The following NACC2 variants were observed in gnomAD, a reference collection of about 807,000 sequenced individuals.
NACC2 encodes nucleus accumbens-associated protein 2.
In NACC2, 8 loss-of-function variants were observed where a neutral mutation model predicts 25.1. The observed-to-expected ratio is 0.32, with a 90% confidence interval of 0.19 to 0.57. NACC2 has a LOEUF of 0.57. Ranked by LOEUF, NACC2 falls within the 20% of genes least tolerant of loss-of-function variation. The probability of loss-of-function intolerance (pLI) is 0.89; values close to 1 mark genes in which losing one functional copy is unlikely to be tolerated. For synonymous variants in NACC2, 435 were observed against 294.7 expected, an observed-to-expected ratio of 1.48 and a Z score of -4.88; for missense variants, 644 against 650.2, an observed-to-expected ratio of 0.99 and a Z score of 0.10.
intron 1 of NACC2, among the ~76,000 whole-genome samples, chr9:136,092,617 C>T (rs915590536): frequency 6.6e-6 from 1 of 152,228 alleles, no homozygotes; most frequent in Non-Finnish European, 1.5e-5. Context: ...CTCAGAACCA[C>T]AATGGGAGGC....
Position 136,016,261 on chromosome 9 carries a change from T to C in NACC2, c.1051+4A>G. ...TACAATAGATGGGTGGGAGGCAGCC[T>C]CACCTGCCACCAGCTCCAGCTTCTC... On this transcript the variant is annotated splice_donor_region_variant and intron_variant, in intron 3 of 5. Transcript: ENST00000277554. 6.2e-7 allele frequency: 1 copy of C among 1,612,416 alleles called. No individual in the cohort carries two copies. Among genetic ancestry groups the C allele is most frequent in the Non-Finnish European group, 8.5e-7 (1 of 1,179,794 alleles).
chr9:136,012,657 T>C (rs111577093), intron 5 of NACC2, among the ~76,000 whole-genome samples: 1 of 150,226 alleles, frequency 6.7e-6, no homozygotes, highest in Admixed American at 6.6e-5. Context: ...ACAAGGTTTT[T>C]TTTTTTTTTT....
rs1432026800 is a variant in NACC2 at position 136,055,879 on chromosome 9, C to T, written c.-59-5299G>A. The stretch of plus-strand genomic sequence containing the variant: ...TCTCCTAAAAGGTCAATCGAAGGCG[C>T]TCCTGGAGCGTGAGAAGGTGTGGGG... On this transcript the variant is annotated intron_variant, in intron 1 of 5. Transcript: ENST00000277554. The surrounding 1 kb of genome is among the most constrained non-coding windows in gnomAD (Gnocchi z 4.9). 2.0e-5 allele frequency among the ~76,000 whole-genome samples: 3 copies of T among 152,146 alleles called. No homozygotes were observed. Among genetic ancestry groups the T allele is most frequent in the Non-Finnish European group, 4.4e-5 (3 of 68,030 alleles).
intron 1 of NACC2, among the ~76,000 whole-genome samples, chr9:136,067,731 A>G (rs1193513320): frequency 1.3e-5 from 2 of 152,198 alleles, no homozygotes; most frequent in Admixed American, 1.3e-4. Flanking sequence ...GCTACGTGGA[A>G]GGCTGAGGCA....
Position 136,030,339 on chromosome 9 carries a change from G to A in NACC2, c.887-13910C>T, listed in dbSNP as rs971060468. Among the ~76,000 whole-genome samples the A allele has an allele frequency of 5.3e-5, 8 of 152,216 alleles. No homozygotes were observed. The South Asian group carries it at 1.0e-3, about 20-fold the overall frequency. ...AAGAGGGTACTGGAGGCCGGGCGCGGTGGCTCACGCCTGTAATCCCAGCAC... is the reference window on the plus strand; with the variant it reads ...AAGAGGGTACTGGAGGCCGGGCGCGATGGCTCACGCCTGTAATCCCAGCAC... On this transcript the variant is annotated intron_variant, in intron 2 of 5. Transcript: ENST00000277554.
intron 1 of NACC2, among the ~76,000 whole-genome samples, chr9:136,051,114 G>T (rs1358044094): frequency 3.9e-5 from 6 of 152,194 alleles, no homozygotes; most frequent in Non-Finnish European, 7.4e-5. Context: ...CCTCGCAGAG[G>T]GCCCCTGCGG....
At chr9:136,045,415 A>ACGGGCCCTGTGGCC (rs1840708173) in intron 2 of NACC2, among the ~76,000 whole-genome samples, 1 of 70,706 alleles carries the variant, frequency 1.4e-5, no homozygotes, top group African/African-American at 4.8e-5. Flanking sequence ...GTTACCGTGG[A>ACGGGCCCTGTGGCC]AGTGTGCAGC....
At chr9:136,093,909 G>A (rs931613811) in intron 1 of NACC2, among the ~76,000 whole-genome samples, 2 of 152,212 alleles carry the variant, frequency 1.3e-5, no homozygotes, top group African/African-American at 4.8e-5. Flanking sequence ...GCAGAATGCT[G>A]AGCTGAGTGT....
chr9:136,089,521 T>C (rs1218800674), intron 1 of NACC2, among the ~76,000 whole-genome samples: 2 of 151,514 alleles, frequency 1.3e-5, no homozygotes, highest in Non-Finnish European at 3.0e-5. Context: ...TGTTAGCCCC[T>C]CCCCCAGCGC....
intron 1 of NACC2, among the ~76,000 whole-genome samples, chr9:136,062,122 CAGGACAGG>C (rs1281164795): frequency 8.9e-4 from 62 of 69,536 alleles, no homozygotes; most frequent in African/African-American, 2.9e-3. Context: ...CGAGACAGGA[CAGGACAGG>C]ACAGGACAGG....
rs371275959 is a variant in NACC2, at chr9:136,013,336, T to C, written c.1158-40A>G. ...GGAAAGGCAGGCAGGGTGAGGATGA[T>C]GGGGAGGGTACCTGGAGGCGACCCG... On this transcript the variant is annotated intron_variant, in intron 4 of 5. Transcript: ENST00000277554. This position sits in a 1 kb window ranked among gnomAD's most constrained non-coding sequence, Gnocchi z 6.6. 3 of 1,582,766 alleles carry C rather than the reference T, an allele frequency of 1.9e-6. No homozygotes were observed. The African/African-American group carries it at 4.1e-5, about 21-fold the overall frequency.
chr9:136,016,151 G>A (rs1232273449), intron 3 of NACC2, 114 bp downstream of exon 3: 2 of 1,180,858 alleles, frequency 1.7e-6, no homozygotes, highest in Admixed American at 5.1e-5. Context: ...GGAAATTTAA[G>A]ATTTTTTTTT....
At chr9:136,054,947 C>T (rs1045060380) in intron 1 of NACC2, among the ~76,000 whole-genome samples, 85 of 152,288 alleles carry the variant, frequency 5.6e-4, no homozygotes, top group Admixed American at 8.5e-4. Context: ...CCACTCCCTG[C>T]AGCTGTGCCA....
chr9:136,012,787 C>T (rs1367418490), intron 5 of NACC2, among the ~76,000 whole-genome samples: 3 of 151,954 alleles, frequency 2.0e-5, no homozygotes, highest in East Asian at 1.9e-4. Context: ...ACATCTGGGG[C>T]GCGGGCCGGG....
In NACC2 at chr9:136,044,021, C is replaced by T. The variant is rs1044513936; in HGVS notation, c.886+5615G>A. ...TGTATTTTCAGTAGAGAAGGGGTTT[C>T]GCCATGTTGGCCAGCCAGCTCTCAA... On this transcript the variant is annotated intron_variant, in intron 2 of 5. Transcript: ENST00000277554. Among the ~76,000 whole-genome samples, 56 of 152,192 alleles carry T rather than the reference C, an allele frequency of 3.7e-4. No individual in the cohort carries two copies. In the South Asian group the frequency reaches 9.3e-3, roughly 25 times the overall value.
chr9:136,065,607 G>A (rs887478537), intron 1 of NACC2, among the ~76,000 whole-genome samples: 1 of 151,880 alleles, frequency 6.6e-6, no homozygotes, highest in African/African-American at 2.4e-5. Context: ...GTGACAAAGC[G>A]AGACGCGGTT....
At chr9:136,034,960 G>C (rs1362595618) in intron 2 of NACC2, among the ~76,000 whole-genome samples, 2 of 152,158 alleles carry the variant, frequency 1.3e-5, no homozygotes, top group Non-Finnish European at 2.9e-5. Context: ...CGGGCATGGT[G>C]GTGGGTGCCT....
chr9:136,021,618 A>C (rs1425808523), intron 2 of NACC2, among the ~76,000 whole-genome samples: 1 of 152,150 alleles, frequency 6.6e-6, no homozygotes, highest in African/African-American at 2.4e-5. Flanking sequence ...GCCCAAGAAA[A>C]ATGGGAGTTT....
intron 1 of NACC2, among the ~76,000 whole-genome samples, chr9:136,075,468 C>T (rs889630028): frequency 1.3e-5 from 2 of 152,250 alleles, no homozygotes; most frequent in African/African-American, 4.8e-5. Flanking sequence ...ACGTCGGCAG[C>T]GGCTCCGTGT....
Sources: gnomAD v4.1 joint callset for allele counts (sites outside exome capture counted in the v4.1 genomes callset) on GRCh38, gnomAD v4.1.1 for gene constraint, Gnocchi (gnomAD v3.1) non-coding constraint, MANE v1.5 for transcripts, NCBI Gene and HGNC (gene_info 2026-07-23, HGNC 2026-07-21) for gene names.